Variants in CDK6 observed in about 807,000 individuals in gnomAD.
The protein encoded by CDK6 is cyclin dependent kinase 6.
Under a neutral mutation model 37.1 loss-of-function variants are expected in CDK6, and 6 were observed. That is an observed-to-expected ratio of 0.16 (90% CI 0.09 to 0.32). CDK6 has a LOEUF of 0.32. Among genes scored for constraint, CDK6 ranks in the 10% least tolerant of loss-of-function variants. The pLI is 1.00. For missense variants in CDK6, 224 were observed against 418.9 expected, an observed-to-expected ratio of 0.53 and a Z score of 4.06; for synonymous variants, 160 against 161.3, an observed-to-expected ratio of 0.99 and a Z score of 0.06.
At chr7:92,727,344 C>T (rs1460173661) in intron 3 of CDK6, among the ~76,000 whole-genome samples, 1 of 152,156 alleles carries the variant, frequency 6.6e-6, no homozygotes, top group East Asian at 1.9e-4. Flanking sequence ...TATTTGGTTA[C>T]TGGTTTATGG....
intron 3 of CDK6, among the ~76,000 whole-genome samples, chr7:92,755,877 C>T (rs577463296): frequency 1.2e-4 from 18 of 152,154 alleles, no homozygotes; most frequent in East Asian, 3.9e-4. Context: ...CAGAGCTGCC[C>T]GGTTTAAAAA....
At chr7:92,821,227 A>G (rs564967981) in intron 2 of CDK6, among the ~76,000 whole-genome samples, 1 of 152,178 alleles carries the variant, frequency 6.6e-6, no homozygotes, top group South Asian at 2.1e-4. Flanking sequence ...TCTGCTCAAA[A>G]ACCTGAGTTC....
chr7:92,823,071 A>G (rs1584122010), intron 2 of CDK6, among the ~76,000 whole-genome samples: 2 of 150,816 alleles, frequency 1.3e-5, no homozygotes, highest in Non-Finnish European at 3.0e-5. Flanking sequence ...TGATGGATTC[A>G]CCTCTTACTT....
chr7:92,744,919 C>G (rs1246939229), intron 3 of CDK6, among the ~76,000 whole-genome samples: 4 of 152,052 alleles, frequency 2.6e-5, no homozygotes, highest in African/African-American at 9.7e-5. Context: ...ATGGTCCTAA[C>G]TCTTACCTTT....
At chr7:92,639,178 C>T (rs1187974485) in intron 5 of CDK6, among the ~76,000 whole-genome samples, 1 of 152,112 alleles carries the variant, frequency 6.6e-6, no homozygotes, top group African/African-American at 2.4e-5. Flanking sequence ...AAACCTGCCT[C>T]CTTAAAGTTC....
intron 4 of CDK6, among the ~76,000 whole-genome samples, chr7:92,705,042 C>T (rs555856260): frequency 6.6e-5 from 10 of 152,330 alleles, no homozygotes; most frequent in South Asian, 2.1e-4. Context: ...TCTTTGCCAT[C>T]GAACTGGTGA....
intron 4 of CDK6, among the ~76,000 whole-genome samples, chr7:92,690,074 T>G (rs1165235637): frequency 6.6e-6 from 1 of 152,180 alleles, no homozygotes; most frequent in Non-Finnish European, 1.5e-5. Context: ...GTAGGCTGTT[T>G]ACTCAAAAGA....
intron 5 of CDK6, among the ~76,000 whole-genome samples, chr7:92,660,727 C>T (rs934837525): frequency 6.6e-6 from 1 of 152,060 alleles, no homozygotes; most frequent in Non-Finnish European, 1.5e-5. Context: ...ACAGAATCCA[C>T]AGGACTTGGA....
chr7:92,701,428 C>T (rs1397242316), intron 4 of CDK6, among the ~76,000 whole-genome samples: 4 of 149,146 alleles, frequency 2.7e-5, no homozygotes, highest in East Asian at 1.9e-4. Flanking sequence ...TTTTTTGAGA[C>T]GGAGTCTCGC....
At chr7:92,623,352 T>C (rs544187301) in intron 5 of CDK6, among the ~76,000 whole-genome samples, 23 of 152,286 alleles carry the variant, frequency 1.5e-4, no homozygotes, top group African/African-American at 4.6e-4. Context: ...CTTACAACAG[T>C]GCTACCGTCA....
chr7:92,650,795 G>A (rs911174571), intron 5 of CDK6, among the ~76,000 whole-genome samples: 2 of 152,138 alleles, frequency 1.3e-5, no homozygotes. Context: ...TTCCTAATGT[G>A]GCTGCTACGT....
intron 2 of CDK6, among the ~76,000 whole-genome samples, chr7:92,785,843 C>A (rs901128787): frequency 6.6e-6 from 1 of 152,058 alleles, no homozygotes; most frequent in African/African-American, 2.4e-5. Context: ...TAAAAGATCC[C>A]AATACATACT....
At chr7:92,793,164 G>A (rs552961708) in intron 2 of CDK6, among the ~76,000 whole-genome samples, 1 of 152,154 alleles carries the variant, frequency 6.6e-6, no homozygotes, top group Non-Finnish European at 1.5e-5. Context: ...ATTGTTAAGA[G>A]GCAATACTCC....
chr7:92,692,656 G>A (rs565470553), intron 4 of CDK6, among the ~76,000 whole-genome samples: 21 of 152,112 alleles, frequency 1.4e-4, no homozygotes, highest in South Asian at 4.2e-4. Flanking sequence ...GTGGTGGTGC[G>A]TGCCCGTGGT....
intron 2 of CDK6, among the ~76,000 whole-genome samples, chr7:92,832,791 C>T (rs376528299): frequency 4.6e-5 from 7 of 152,328 alleles, no homozygotes; most frequent in East Asian, 1.9e-4. Context: ...CACCCACTTC[C>T]CCCAGACCCT....
rs1795485016 is a variant in CDK6 at position 92,608,565 on chromosome 7, A to ACAAAAACAAAAG, written c.*6574_*6575insCTTTTGTTTTTG. 8.6e-6 allele frequency: 2 copies of ACAAAAACAAAAG among 231,998 alleles called. No individual in the cohort carries two copies. The highest frequency in any genetic ancestry group is 1.7e-5 in the Non-Finnish European group (2 of 117,332). The allele number at this position is 231,998 out of a possible 1,614,324, so 14.4% of individuals were successfully genotyped here. A position where few individuals can be genotyped will look rare whatever the true frequency, so the allele number is the denominator to read the frequency against. ...TTTCTTTAAAAAAACAAAAACAAAA[A>ACAAAAACAAAAG]CAAAAACTGAGCTTAGCGCCTGAGA... On this transcript the variant is annotated 3_prime_UTR_variant, in exon 8 of 8. Transcript: ENST00000424848.
At chr7:92,629,183 T>C (rs1795997746) in intron 5 of CDK6, among the ~76,000 whole-genome samples, 1 of 152,012 alleles carries the variant, frequency 6.6e-6, no homozygotes, top group African/African-American at 2.4e-5. Context: ...GGAAAAAACC[T>C]CTGCCAGGGA....
rs988431920 is a variant in CDK6, at chr7:92,607,144, T to A, written c.*7996A>T. 1.7e-5 allele frequency: 4 copies of A among 233,544 alleles called. No homozygotes were observed. The highest frequency in any genetic ancestry group is 8.8e-5 in the African/African-American group (4 of 45,350). 14.5% of individuals were successfully genotyped at this position (233,544 alleles called of 1,614,324 possible). ...TCAAGGCACAAGCTGACAGTTCTGCTTCTACAGAAAAACTCTCACACTGCT... is the reference window on the plus strand; with the variant it reads ...TCAAGGCACAAGCTGACAGTTCTGCATCTACAGAAAAACTCTCACACTGCT... On this transcript the variant is annotated 3_prime_UTR_variant, in exon 8 of 8. Coordinates refer to ENST00000424848, the MANE Select transcript of CDK6 (RefSeq NM_001145306.2).
At chr7:92,679,797 T>C (rs756306933) in intron 4 of CDK6, among the ~76,000 whole-genome samples, 2 of 151,608 alleles carry the variant, frequency 1.3e-5, no homozygotes, top group African/African-American at 2.4e-5. Context: ...CTCGGCTCAC[T>C]GCAACCTCGG....
Sources: allele counts gnomAD v4.1 joint callset (sites outside exome capture counted in the v4.1 genomes callset), GRCh38; gene constraint gnomAD v4.1.1; transcripts MANE v1.5; gene names NCBI Gene and HGNC (gene_info 2026-07-23, HGNC 2026-07-21).